The following RNF32 variants were observed in gnomAD, a reference collection of about 807,000 sequenced individuals.
The protein encoded by RNF32 is ring finger protein 32.
In RNF32, 36 loss-of-function variants were observed where a neutral mutation model predicts 41.0. That is an observed-to-expected ratio of 0.88 (90% CI 0.67 to 1.16). The LOEUF is 1.16. Among genes scored for constraint, RNF32 ranks in the 50% most tolerant of loss-of-function variants. The pLI is 0.00. For missense variants in RNF32, 413 were observed against 436.7 expected (o/e 0.95, Z 0.48); for synonymous variants, 154 against 160.9 (o/e 0.96, Z 0.32).
intron 7 of RNF32, among the ~76,000 whole-genome samples, chr7:156,663,894 C>T (rs1481357860): frequency 6.6e-6 from 1 of 152,206 alleles, no homozygotes; most frequent in African/African-American, 2.4e-5. Flanking sequence ...TTATGCGTTA[C>T]TGCCAAGAAC....
chr7:156,653,381 G>A (rs1399420016), intron 3 of RNF32, among the ~76,000 whole-genome samples: 3 of 152,260 alleles, frequency 2.0e-5, no homozygotes, highest in East Asian at 1.9e-4. Flanking sequence ...GCAAGATGAC[G>A]AAATCGCCTA....
chr7:156,664,601 G>A (rs1801089436), intron 7 of RNF32, among the ~76,000 whole-genome samples: 1 of 152,194 alleles, frequency 6.6e-6, no homozygotes, highest in Non-Finnish European at 1.5e-5. Flanking sequence ...ATATATTAAT[G>A]TTTAGGGGTT....
In RNF32 at chr7:156,676,589, C is replaced by T. The variant is rs149561125; in HGVS notation, c.1023C>T (p.Asp341=). Residue 341 remains aspartate, a synonymous_variant, in exon 9 of 9, where the codon GAC becomes GAT. Transcript: ENST00000317955. ...LLALEEFSVG[D]RPPFHACPLC... is the part of the protein sequence containing the mutation. Reference sequence around the variant, plus strand: ...CACTAGAGGAGTTCTCCGTGGGAGACAGGCCTCCTTTCCATGCCTGTCCTC... The same window carrying T: ...CACTAGAGGAGTTCTCCGTGGGAGATAGGCCTCCTTTCCATGCCTGTCCTC... 8.5e-5 allele frequency: 138 copies of T among 1,614,234 alleles called. 1 individual carries two copies. In the African/African-American group the frequency reaches 1.7e-3, roughly 19 times the overall value.
At position 156,667,348 on chromosome 7, in the gene RNF32, A is replaced by T. The variant is rs180871035; in HGVS notation, c.685-8348A>T. 9.9e-4 allele frequency among the ~76,000 whole-genome samples: 151 copies of T among 152,288 alleles called. 1 individual carries two copies. Among genetic ancestry groups the T allele is most frequent in the Admixed American group, 1.6e-3 (25 of 15,296 alleles). On this transcript the variant is annotated intron_variant, in intron 7 of 8. Transcript: ENST00000317955. ...GTGCTTTTGTTAGTATATTTTTTTT[A>T]AATGTTTAGCCAGCTTGTTACTTGT...
At chr7:156,658,083 ATAAG>A (rs1563081715) in intron 5 of RNF32, 41 bp from the exon 6 acceptor site, 3 of 1,578,418 alleles carry the variant, frequency 1.9e-6, no homozygotes, top group East Asian at 4.5e-5. Flanking sequence ...AACGTTGTTT[ATAAG>A]TAATTACTTG....
At position 156,657,591 on chromosome 7, in the gene RNF32, G is replaced by A. The variant is rs772792619; in HGVS notation, c.450+18G>A. On this transcript the variant is annotated intron_variant, in intron 5 of 8. Coordinates refer to ENST00000317955, the MANE Select transcript of RNF32 (RefSeq NM_030936.4). ...TCCACAAAGTAAGTCCACCCCTCAC[G>A]CCTGCCCAGGTGCTGCACATGTCGC... 1.2e-5 allele frequency: 19 copies of A among 1,613,020 alleles called. No homozygotes were observed. In the East Asian group the frequency reaches 2.0e-4, roughly 17 times the overall value.
chr7:156,656,577 A>G (rs553676634), intron 4 of RNF32, among the ~76,000 whole-genome samples: 2 of 152,194 alleles, frequency 1.3e-5, no homozygotes, highest in Admixed American at 6.5e-5. Context: ...TTATTTCTGT[A>G]TTTCTTCCAT....
chr7:156,651,599 C>T (rs923213781), intron 3 of RNF32, among the ~76,000 whole-genome samples: 3 of 152,130 alleles, frequency 2.0e-5, no homozygotes, highest in Admixed American at 2.0e-4. Flanking sequence ...TGCAGAAGAT[C>T]GAGATTTAGC....
chr7:156,662,718 A>G (rs1800817201), intron 7 of RNF32, among the ~76,000 whole-genome samples: 1 of 152,154 alleles, frequency 6.6e-6, no homozygotes, highest in African/African-American at 2.4e-5. Context: ...AAGTGAAAAT[A>G]TAATTGAAAT....
At chr7:156,649,080 T>C (rs536979611) in intron 3 of RNF32, among the ~76,000 whole-genome samples, 8 of 152,358 alleles carry the variant, frequency 5.3e-5, no homozygotes, top group Non-Finnish European at 8.8e-5. Flanking sequence ...CTTCTGCTTC[T>C]ATGTCAGTAT....
intron 3 of RNF32, among the ~76,000 whole-genome samples, chr7:156,653,759 G>A (rs1799133772): frequency 6.6e-6 from 1 of 152,282 alleles, no homozygotes; most frequent in South Asian, 2.1e-4. Flanking sequence ...CACATGGTGG[G>A]TACCCACGTG....
intron 7 of RNF32, among the ~76,000 whole-genome samples, chr7:156,661,277 C>A (rs1563086099): frequency 6.6e-6 from 1 of 151,904 alleles, no homozygotes; most frequent in Admixed American, 6.6e-5. Context: ...TTCCTAGGGC[C>A]CCCTTGGCCA....
intron 3 of RNF32, among the ~76,000 whole-genome samples, chr7:156,646,962 G>A (rs899915305): frequency 5.3e-5 from 8 of 151,906 alleles, no homozygotes; most frequent in Non-Finnish European, 8.8e-5. Flanking sequence ...AGTGATTCTC[G>A]TGCCTCAGCC....
intron 7 of RNF32, among the ~76,000 whole-genome samples, chr7:156,675,093 C>T (rs1367150739): frequency 2.6e-5 from 4 of 152,164 alleles, no homozygotes; most frequent in Admixed American, 1.3e-4. Context: ...CCTAAGGCAG[C>T]GCAGACCGGA....
chr7:156,640,991 G>C (rs369294840), intron 1 of RNF32, 180 bp downstream of exon 1: 2 of 168,326 alleles, frequency 1.2e-5, no homozygotes, highest in African/African-American at 4.8e-5. Context: ...CTCCTTGGGG[G>C]ACTCGGGGTC....
chr7:156,651,986 G>C (rs977780226), intron 3 of RNF32, among the ~76,000 whole-genome samples: 1 of 152,118 alleles, frequency 6.6e-6, no homozygotes, highest in African/African-American at 2.4e-5. Flanking sequence ...TGTCTCCCTG[G>C]ACCTCATGGC....
Position 156,669,276 on chromosome 7 carries a change from T to A in RNF32, c.685-6420T>A, listed in dbSNP as rs563582365. 13 of 152,356 alleles carry A rather than the reference T, an allele frequency of 8.5e-5. No homozygotes were observed. In the East Asian group the frequency reaches 2.1e-3, roughly 25 times the overall value. The allele number at this position is 152,356 out of a possible 1,614,324, so 9.4% of individuals were successfully genotyped here. On this transcript the variant is annotated intron_variant, in intron 7 of 8. Transcript: ENST00000317955. This position sits in a 1 kb window ranked among gnomAD's most constrained non-coding sequence, Gnocchi z 4.2. ...GTTCGCGCCTGCTGCAGGGCACGCT[T>A]CCTGCAGGGAGCTGGGGAGAGACAA...
intron 7 of RNF32, among the ~76,000 whole-genome samples, chr7:156,666,150 T>A (rs931273498): frequency 6.6e-6 from 1 of 152,154 alleles, no homozygotes; most frequent in South Asian, 2.1e-4. Context: ...CATAGCTGAT[T>A]AGGAAGTGTT....
At chr7:156,665,633 C>T (rs1267594821) in intron 7 of RNF32, among the ~76,000 whole-genome samples, 4 of 152,136 alleles carry the variant, frequency 2.6e-5, no homozygotes, top group Admixed American at 2.0e-4. Flanking sequence ...AATCACATGA[C>T]GCACTCCAAA....
Sources: allele counts gnomAD v4.1 joint callset (sites outside exome capture counted in the v4.1 genomes callset), GRCh38; gene constraint gnomAD v4.1.1; non-coding constraint Gnocchi (gnomAD v3.1); transcripts MANE v1.5; gene names NCBI Gene and HGNC (gene_info 2026-07-23, HGNC 2026-07-21).